The following RBMS1 variants were observed in gnomAD, a reference collection of about 807,000 sequenced individuals.
The protein encoded by RBMS1 is RNA-binding motif, single-stranded-interacting protein 1.
In RBMS1, 17 loss-of-function variants were observed where a neutral mutation model predicts 62.3. The ratio of observed to expected loss-of-function variants is 0.27; its 90% confidence interval spans 0.19 to 0.41. The LOEUF (loss-of-function observed/expected upper bound fraction) is 0.41, where lower values mean the gene tolerates loss of function less well. Ranked by LOEUF, RBMS1 falls within the 10% of genes least tolerant of loss-of-function variation. The pLI is 1.00. For synonymous variants in RBMS1, 172 were observed against 170.0 expected (o/e 1.01, Z -0.09); for missense variants, 334 against 504.5 (o/e 0.66, Z 3.24).
intron 1 of RBMS1, among the ~76,000 whole-genome samples, chr2:160,368,283 G>A (rs924652400): frequency 6.6e-5 from 10 of 152,196 alleles, no homozygotes; most frequent in African/African-American, 1.9e-4. Context: ...CACCAGGACA[G>A]GGACGTTTTT....
intron 1 of RBMS1, chr2:160,407,761 C>T (rs1695833295): frequency 1.0e-6 from 1 of 981,210 alleles, no homozygotes; most frequent in Admixed American, 6.3e-5. Flanking sequence ...GCGGGCGAGA[C>T]TCGAGCAGCT....
chr2:160,388,747 C>G (rs1694708875), intron 1 of RBMS1, among the ~76,000 whole-genome samples: 1 of 152,232 alleles, frequency 6.6e-6, no homozygotes, highest in Admixed American at 6.5e-5. Flanking sequence ...GTTCCCTGAA[C>G]TGACACTTCT....
At chr2:160,343,411 C>T (rs1378893251) in intron 2 of RBMS1, among the ~76,000 whole-genome samples, 1 of 152,128 alleles carries the variant, frequency 6.6e-6, no homozygotes, top group East Asian at 1.9e-4. Flanking sequence ...ATTTTGCTGT[C>T]TTATTGTAGC....
rs76352441 is a variant in RBMS1, at chr2:160,376,334, C to T, written c.76-8943G>A. The stretch of plus-strand genomic sequence containing the variant: ...TACCATGGGTTTCACAATTTAGCCC[C>T]TAGAGAAAAAAGCATTATCTGTACT... On this transcript the variant is annotated intron_variant, in intron 1 of 13. Transcript: ENST00000348849. Among the ~76,000 whole-genome samples the T allele has an allele frequency of 4.9e-3, 745 of 152,208 alleles. 28 individuals are homozygous for T. In the East Asian group the frequency reaches 0.091, roughly 19 times the overall value.
At chr2:160,346,588 T>C (rs1182538195) in intron 2 of RBMS1, among the ~76,000 whole-genome samples, 1 of 152,178 alleles carries the variant, frequency 6.6e-6, no homozygotes, top group Non-Finnish European at 1.5e-5. Context: ...CTCCTGAAGA[T>C]ACATTAACCA....
intron 1 of RBMS1, among the ~76,000 whole-genome samples, chr2:160,368,207 G>A (rs1161958621): frequency 6.6e-6 from 1 of 152,160 alleles, no homozygotes; most frequent in Non-Finnish European, 1.5e-5. Flanking sequence ...GAAGTTAAAT[G>A]GCTCAGCTTG....
intron 1 of RBMS1, among the ~76,000 whole-genome samples, chr2:160,470,417 T>A (rs563433122): frequency 1.3e-5 from 2 of 152,334 alleles, no homozygotes; most frequent in South Asian, 4.1e-4. Flanking sequence ...GTGATTTGCA[T>A]ACATATAAAT....
intron 1 of RBMS1, among the ~76,000 whole-genome samples, chr2:160,370,771 T>C (rs186296653): frequency 6.6e-6 from 1 of 152,352 alleles, no homozygotes; most frequent in East Asian, 1.9e-4. Flanking sequence ...TCATTTTTGC[T>C]GACTAATTAC....
intron 2 of RBMS1, among the ~76,000 whole-genome samples, chr2:160,333,137 G>A (rs1036351519): frequency 6.6e-6 from 1 of 152,088 alleles, no homozygotes; most frequent in African/African-American, 2.4e-5. Flanking sequence ...TGATGATGGA[G>A]GTGGGGGCAG....
At position 160,465,048 on chromosome 2, in the gene RBMS1, T is replaced by A. The variant is rs985942468; in HGVS notation, c.75+28241A>T. The stretch of plus-strand genomic sequence containing the variant: ...TTTTATTAAAGGGCATCTAAGCAAA[T>A]GAATCTTGAGGATGTTCCAAAGTGA... On this transcript the variant is annotated intron_variant, in intron 1 of 13. Transcript: ENST00000348849. 9.2e-5 allele frequency among the ~76,000 whole-genome samples: 14 copies of A among 152,182 alleles called. 1 individual carries two copies. Among genetic ancestry groups the A allele is most frequent in the Admixed American group, 8.5e-4 (13 of 15,278 alleles).
At chr2:160,280,825 TG>T (rs1253897464) in intron 10 of RBMS1, among the ~76,000 whole-genome samples, 1 of 152,176 alleles carries the variant, frequency 6.6e-6, no homozygotes, top group Non-Finnish European at 1.5e-5. Flanking sequence ...TTTAAAAAAA[TG>T]TAATATATAT....
intron 1 of RBMS1, among the ~76,000 whole-genome samples, chr2:160,400,847 A>G (rs1314559742): frequency 2.6e-5 from 4 of 152,194 alleles, no homozygotes; most frequent in Non-Finnish European, 4.4e-5. Flanking sequence ...TACATAAAGA[A>G]TAGGAAAGGA....
intron 1 of RBMS1, among the ~76,000 whole-genome samples, chr2:160,432,823 T>C (rs1486162641): frequency 6.6e-6 from 1 of 151,848 alleles, no homozygotes; most frequent in Non-Finnish European, 1.5e-5. Context: ...GAAATCTTTG[T>C]GACACACTGG....
At chr2:160,399,115 CA>C (rs1695307563) in intron 1 of RBMS1, among the ~76,000 whole-genome samples, 1 of 152,190 alleles carries the variant, frequency 6.6e-6, no homozygotes, top group Non-Finnish European at 1.5e-5. Flanking sequence ...TTTGCTGAAT[CA>C]ATGTTCTTTT....
intron 1 of RBMS1, among the ~76,000 whole-genome samples, chr2:160,384,885 G>C (rs561968156): frequency 1.3e-5 from 2 of 152,332 alleles, no homozygotes; most frequent in South Asian, 4.1e-4. Flanking sequence ...TGGGGGGTTT[G>C]AATCATGTGG....
intron 2 of RBMS1, among the ~76,000 whole-genome samples, chr2:160,357,817 A>C (rs1692887670): frequency 6.6e-6 from 1 of 152,176 alleles, no homozygotes; most frequent in African/African-American, 2.4e-5. Context: ...ACCGACTGAC[A>C]GTTCTAATGA....
chr2:160,375,469 T>C (rs1347517656), intron 1 of RBMS1, among the ~76,000 whole-genome samples: 1 of 152,176 alleles, frequency 6.6e-6, no homozygotes, highest in Non-Finnish European at 1.5e-5. Flanking sequence ...AGAGTATCCT[T>C]AAGGTAGAAA....
intron 1 of RBMS1, among the ~76,000 whole-genome samples, chr2:160,479,904 G>C (rs1265679816): frequency 6.6e-6 from 1 of 152,078 alleles, no homozygotes; most frequent in East Asian, 1.9e-4. Context: ...ACGCTTTGAA[G>C]GTTCTATGTA....
At chr2:160,482,590 T>G (rs1389207913) in intron 1 of RBMS1, among the ~76,000 whole-genome samples, 1 of 152,206 alleles carries the variant, frequency 6.6e-6, no homozygotes, top group Non-Finnish European at 1.5e-5. Context: ...ATTTTTAGAA[T>G]AATATGTCTG....
Sources: allele counts gnomAD v4.1 joint callset (sites outside exome capture counted in the v4.1 genomes callset), GRCh38; gene constraint gnomAD v4.1.1; transcripts MANE v1.5; gene names NCBI Gene and HGNC (gene_info 2026-07-23, HGNC 2026-07-21).